C2CD3: variants seen among roughly 807,000 people sequenced by gnomAD.
The protein encoded by C2CD3 is C2 domain-containing protein 3.
In C2CD3, 148 loss-of-function variants were observed where a neutral mutation model predicts 234.0. The observed-to-expected ratio is 0.63, with a 90% CI of 0.55 to 0.72. The LOEUF is 0.72. C2CD3 is among the 30% of genes least tolerant of loss of function. The pLI, the probability that C2CD3 is intolerant of heterozygous loss-of-function variation, is 0.00. For missense variants in C2CD3, 2,577 were observed against 2,811.5 expected (o/e 0.92, Z 1.89); for synonymous variants, 1,000 against 1,035.4 (o/e 0.97, Z 0.66).
At chr11:74,026,492 A>C (rs1952305055) in intron 32 of C2CD3, among the ~76,000 whole-genome samples, 1 of 152,202 alleles carries the variant, frequency 6.6e-6, no homozygotes, top group Non-Finnish European at 1.5e-5. Context: ...TAACTTTAGG[A>C]CTACAACTCT....
chr11:74,037,768 C>G, intron 29 of C2CD3, 70 bp from the exon 30 acceptor site: 1 of 1,181,452 alleles, frequency 8.5e-7, no homozygotes, highest in Non-Finnish European at 1.2e-6. Flanking sequence ...CTTATGTCCC[C>G]TGGACACTAC....
chr11:74,158,402 T>C (rs1381000863), intron 3 of C2CD3, among the ~76,000 whole-genome samples: 2 of 152,114 alleles, frequency 1.3e-5, no homozygotes, highest in African/African-American at 4.8e-5. Flanking sequence ...AAAGAAGACA[T>C]GCAAATGGTT....
chr11:74,014,958 C>G (rs1018167324), intron 32 of C2CD3, among the ~76,000 whole-genome samples: 3 of 152,258 alleles, frequency 2.0e-5, no homozygotes, highest in African/African-American at 4.8e-5. Context: ...CTGGGCTGCA[C>G]AGCAGAGACT....
chr11:74,111,961 C>T (rs1247970758), intron 11 of C2CD3, among the ~76,000 whole-genome samples: 1 of 132,456 alleles, frequency 7.5e-6, no homozygotes, highest in African/African-American at 3.2e-5. Context: ...CACACACACA[C>T]ACACACACAT....
chr11:74,070,347 C>T (rs1954737348), intron 24 of C2CD3, among the ~76,000 whole-genome samples: 1 of 152,196 alleles, frequency 6.6e-6, no homozygotes, highest in Non-Finnish European at 1.5e-5. Flanking sequence ...TAATTTGGGG[C>T]TGTTTGTGAA....
intron 24 of C2CD3, among the ~76,000 whole-genome samples, chr11:74,063,411 A>G (rs1232770196): frequency 2.0e-5 from 3 of 148,728 alleles, no homozygotes; most frequent in African/African-American, 7.3e-5. Flanking sequence ...CCAGCAGCAC[A>G]TCAAAAAGCT....
At chr11:74,083,107 A>G (rs568721709) in intron 22 of C2CD3, among the ~76,000 whole-genome samples, 9 of 149,668 alleles carry the variant, frequency 6.0e-5, no homozygotes, top group African/African-American at 2.3e-4. Flanking sequence ...ATTGACCAAT[A>G]GACAGAACAG....
chr11:74,044,010 GA>G (rs1953221294), intron 28 of C2CD3, among the ~76,000 whole-genome samples: 1 of 151,838 alleles, frequency 6.6e-6, no homozygotes, highest in Non-Finnish European at 1.5e-5. Flanking sequence ...TTTTTGTGGA[GA>G]TGGGCTCTCA....
In C2CD3 at chr11:74,138,835, C is replaced by G; in HGVS notation, c.840G>C (p.Gln280His). The change falls in exon 5 of 33, where the codon CAG (glutamine) becomes CAC (histidine). Residue 280 changes from glutamine to histidine, a missense_variant. By Grantham distance (24) the Gln-to-His change is conservative. Transcript: ENST00000334126. ...VTLKGRAPRK[Q>H]MSLLNSSEFQ... ...ATTCAGAACTGTTCAGAAGGGACATCTGCTTCCGTGGAGCTCTGCCTTTCA... is the reference window on the plus strand; with the variant it reads ...ATTCAGAACTGTTCAGAAGGGACATGTGCTTCCGTGGAGCTCTGCCTTTCA... 2 of 1,614,052 alleles carry G rather than the reference C, an allele frequency of 1.2e-6. No homozygotes were observed. The highest frequency in any genetic ancestry group is 8.5e-7 in the Non-Finnish European group (1 of 1,179,936).
chr11:74,147,341 C>T (rs1336522031), intron 3 of C2CD3, among the ~76,000 whole-genome samples: 5 of 152,040 alleles, frequency 3.3e-5, no homozygotes, highest in Admixed American at 2.6e-4. Context: ...CACTTGAGCC[C>T]AGGAGGTCAA....
intron 5 of C2CD3, among the ~76,000 whole-genome samples, chr11:74,135,719 A>G (rs999369327): frequency 1.1e-4 from 17 of 152,136 alleles, no homozygotes; most frequent in African/African-American, 4.1e-4. Flanking sequence ...CAGAAAAATC[A>G]TTAGGTTTAT....
intron 29 of C2CD3, among the ~76,000 whole-genome samples, chr11:74,038,473 C>T (rs149759375): frequency 8.1e-4 from 123 of 152,254 alleles, no homozygotes; most frequent in Non-Finnish European, 1.4e-3. Flanking sequence ...TATAAATAAG[C>T]AACTTGAGTT....
At chr11:74,023,951 T>G (rs1208646541) in intron 32 of C2CD3, among the ~76,000 whole-genome samples, 1 of 152,172 alleles carries the variant, frequency 6.6e-6, no homozygotes, top group Non-Finnish European at 1.5e-5. Flanking sequence ...GTAACAACAG[T>G]AAATCATGAA....
rs138422653 is a variant in C2CD3, at chr11:74,084,177, G to A, written c.4000+704C>T. ...ATGCAGCTGGAAACCATCATTCTGA[G>A]CAAACTATCACAAGGACAGAAAACT... On this transcript the variant is annotated intron_variant, in intron 22 of 32. Transcript: ENST00000334126. Among the ~76,000 whole-genome samples, 837 of 152,204 alleles carry A rather than the reference G, an allele frequency of 5.5e-3. 4 individuals carry two copies. The highest frequency in any genetic ancestry group is 9.9e-3 in the Non-Finnish European group (670 of 68,004).
At chr11:74,130,494 A>G (rs1357357360) in intron 7 of C2CD3, among the ~76,000 whole-genome samples, 1 of 152,072 alleles carries the variant, frequency 6.6e-6, no homozygotes, top group African/African-American at 2.4e-5. Context: ...TCAGCCTCCC[A>G]AAATGTTGGG....
intron 7 of C2CD3, 112 bp from the exon 8 acceptor site, chr11:74,123,247 CAA>C (rs1305601500): frequency 1.1e-5 from 8 of 715,536 alleles, no homozygotes; most frequent in Non-Finnish European, 1.6e-5. Context: ...ATATGTTAAA[CAA>C]AAGACTCACA....
intron 26 of C2CD3, among the ~76,000 whole-genome samples, chr11:74,051,339 T>C (rs1953676532): frequency 6.6e-6 from 1 of 152,124 alleles, no homozygotes; most frequent in Non-Finnish European, 1.5e-5. Context: ...TGGAAAGTTT[T>C]TGATTCTATA....
At position 74,103,321 on chromosome 11, in the gene C2CD3, G is replaced by A. The variant is rs753909941; in HGVS notation, c.2390C>T (p.Thr797Ile). 6 of 1,614,194 alleles carry A rather than the reference G, an allele frequency of 3.7e-6. No individual in the cohort carries two copies. The highest frequency in any genetic ancestry group is 4.5e-5 in the East Asian group (2 of 44,886). ...SHNLVNQTNG[T>I]TKESALLLHV... ...CAACAGCAAAGCACTCTCTTTTGTT[G>A]TCCCATTTGTCTGATTGACTAAATT... is the stretch of plus-strand genomic sequence containing the variant. Residue 797 changes from threonine (T) to isoleucine (I), a missense_variant, in exon 14 of 33, where the codon ACA becomes ATA. Transcript: ENST00000334126.
intron 31 of C2CD3, 81 bp downstream of exon 31, chr11:74,033,270 G>A: frequency 1.7e-6 from 2 of 1,173,770 alleles, no homozygotes; most frequent in Non-Finnish European, 2.4e-6. Context: ...CATTCCATGA[G>A]GGTGGCCACT....
Sources: allele counts gnomAD v4.1 joint callset (sites outside exome capture counted in the v4.1 genomes callset), GRCh38; gene constraint gnomAD v4.1.1; transcripts MANE v1.5; gene names NCBI Gene and HGNC (gene_info 2026-07-23, HGNC 2026-07-21).